The following SYNE2 variants were observed in gnomAD, a reference collection of about 807,000 sequenced individuals.
SYNE2 encodes nesprin-2.
Under a neutral mutation model 856.3 loss-of-function variants are expected in SYNE2, and 431 were observed. The ratio of observed to expected loss-of-function variants is 0.50; its 90% CI spans 0.47 to 0.55. SYNE2 has a LOEUF of 0.55. Ranked by LOEUF, SYNE2 falls within the 20% of genes least tolerant of loss-of-function variation. The pLI is 0.00. For missense variants in SYNE2, 8,129 were observed against 8,023.2 expected (o/e 1.01, Z -0.50); for synonymous variants, 2,923 against 2,872.3 (o/e 1.02, Z -0.56).
rs181955888 is a variant in SYNE2, at chr14:64,171,015, G to A, written c.17235+553G>A. ...AAATGCTTGAGGGGATGGAAACCCC[G>A]TTCTCCATGATGTGCTTATTGGACA... On this transcript the variant is annotated intron_variant, in intron 94 of 115. Transcript: ENST00000555002. Among the ~76,000 whole-genome samples the A allele has an allele frequency of 1.5e-4, 23 of 152,224 alleles. No individual in the cohort carries two copies. The East Asian group carries it at 4.1e-3, about 27-fold the overall frequency.
Position 64,051,954 on chromosome 14 carries a change from G to A in SYNE2, c.8041G>A (p.Val2681Ile), listed in dbSNP as rs150946074. 3.2e-4 allele frequency: 515 copies of A among 1,613,890 alleles called. 2 individuals are homozygous for A. In the African/African-American group the frequency reaches 6.2e-3, roughly 20 times the overall value. The change falls in exon 48 of 116, where the codon GTT becomes ATT. Residue 2681 changes from valine (V) to isoleucine (I), a missense_variant. Coordinates refer to ENST00000555002, the MANE Select transcript of SYNE2 (RefSeq NM_182914.3). ...CCAGGCTACCAAGCATGGATTTTCT[G>A]TTTTAAAGGGGCAAGCTGAACTTCA... ...DLQATKHGFS[V>I]LKGQAELQMK...
At chr14:63,916,381 T>C (rs139004747) in intron 2 of SYNE2, among the ~76,000 whole-genome samples, 1 of 152,356 alleles carries the variant, frequency 6.6e-6, no homozygotes, top group East Asian at 1.9e-4. Context: ...CTTACTGTTC[T>C]TACTCTTGAA....
intron 1 of SYNE2, among the ~76,000 whole-genome samples, chr14:63,777,765 C>T (rs1887163063): frequency 6.6e-6 from 1 of 152,002 alleles, no homozygotes; most frequent in Non-Finnish European, 1.5e-5. Flanking sequence ...AACTCCTGGG[C>T]CTAAGGGATC....
chr14:63,872,427 C>T (rs1485418273), intron 1 of SYNE2, among the ~76,000 whole-genome samples: 6 of 94,530 alleles, frequency 6.3e-5, no homozygotes, highest in Non-Finnish European at 1.5e-4. Flanking sequence ...AGCGAGACAC[C>T]ATCTCAAAAA....
chr14:63,939,903 A>G (rs759867165), intron 2 of SYNE2, among the ~76,000 whole-genome samples: 36 of 152,170 alleles, frequency 2.4e-4, no homozygotes, highest in Non-Finnish European at 4.4e-4. Flanking sequence ...GATAAATGTT[A>G]AGACTAAACC....
In SYNE2 at chr14:64,223,288, G is replaced by A; in HGVS notation, c.20290G>A (p.Glu6764Lys). ...LIKGHGEDCI[E>K]AEEKVHVIEK... Reference sequence around the variant, plus strand: ...TAAGGGACATGGAGAAGACTGTATTGAAGCTGAAGAAAAGGTGCATGTTAT... The same window carrying A: ...TAAGGGACATGGAGAAGACTGTATTAAAGCTGAAGAAAAGGTGCATGTTAT... The change falls in exon 113 of 116, where the codon GAA becomes AAA. Residue 6764 changes from glutamate (E) to lysine (K), a missense_variant. Physicochemically the swap from Glu to Lys is moderately conservative, Grantham distance 56 (BLOSUM62 1). Transcript: ENST00000555002. The A allele has an allele frequency of 6.2e-7, 1 of 1,614,212 alleles. No individual in the cohort carries two copies. Among genetic ancestry groups the A allele is most frequent in the Non-Finnish European group, 8.5e-7 (1 of 1,180,034 alleles).
At position 63,982,690 on chromosome 14, in the gene SYNE2, A is replaced by C. The variant is rs1443151577; in HGVS notation, c.1897A>C (p.Asn633His). The C allele has an allele frequency of 6.2e-7, 1 of 1,614,134 alleles. No individual in the cohort carries two copies. Among genetic ancestry groups the C allele is most frequent in the Admixed American group, 1.7e-5 (1 of 60,020 alleles). ...ACACGCTACTTTAAATGAAGCAGGA[A>C]ATTTCTTAGTCGAAGTCAGCAATGA... is the stretch of plus-strand genomic sequence containing the variant. Reference protein sequence around the residue: ...LEHATLNEAGNFLVEVSNDVV... With the variant: ...LEHATLNEAGHFLVEVSNDVV... Residue 633 changes from asparagine to histidine, a missense_variant, in exon 17 of 116, where the codon AAT becomes CAT. By Grantham distance (68) the Asn-to-His change is moderately conservative. Transcript: ENST00000555002.
chr14:64,003,267 A>G lies in SYNE2; in HGVS notation c.4334A>G (p.Asp1445Gly), dbSNP rs2096769097. The G allele has an allele frequency of 6.2e-7, 1 of 1,613,882 alleles. No homozygotes were observed. Among genetic ancestry groups the G allele is most frequent in the Admixed American group, 1.7e-5 (1 of 59,982 alleles). ...KNNELLKNIQ[D>G]VQSQISKIGL... The stretch of plus-strand genomic sequence containing the variant: ...AATGAACTCCTTAAAAATATTCAAG[A>G]TGTGCAGAGTCAAATCAGTAAAATT... Residue 1445 changes from aspartate to glycine, a missense_variant, in exon 30 of 116, where the codon GAT becomes GGT. By Grantham distance (94) the Asp-to-Gly change is moderately conservative. Around this residue, in one of 3 missense-constraint regions of SYNE2, gnomAD observed 2,422 missense variants for 2,357.4 expected, o/e 1.03. Coordinates refer to ENST00000555002, the MANE Select transcript of SYNE2 (RefSeq NM_182914.3).
At chr14:64,166,493 A>G (rs2098379958) in intron 90 of SYNE2, among the ~76,000 whole-genome samples, 2 of 152,212 alleles carry the variant, frequency 1.3e-5, no homozygotes, top group African/African-American at 2.4e-5. Flanking sequence ...CTTTCTTGCA[A>G]TGTCATGTTC....
At chr14:63,911,492 A>G (rs1247631801) in intron 2 of SYNE2, among the ~76,000 whole-genome samples, 5 of 152,166 alleles carry the variant, frequency 3.3e-5, no homozygotes, top group African/African-American at 1.2e-4. Context: ...ACATTATCTC[A>G]TTTGATCCTC....
At chr14:64,003,680 A>C (rs2096772671) in intron 30 of SYNE2, among the ~76,000 whole-genome samples, 1 of 152,158 alleles carries the variant, frequency 6.6e-6, no homozygotes, top group Non-Finnish European at 1.5e-5. Flanking sequence ...GGCAGACTCC[A>C]CGCTGTGATA....
chr14:64,167,773 G>T (rs2098389057), intron 92 of SYNE2, 134 bp downstream of exon 92: 1 of 1,177,902 alleles, frequency 8.5e-7, no homozygotes, highest in Non-Finnish European at 1.2e-6. Flanking sequence ...AGCAAATTCA[G>T]TTGTCAATTG....
intron 70 of SYNE2, 74 bp downstream of exon 70, chr14:64,122,501 T>A: frequency 6.3e-7 from 1 of 1,597,952 alleles, no homozygotes; most frequent in Non-Finnish European, 8.6e-7. Context: ...TAAATAAACA[T>A]GTATATTCTC....
chr14:63,843,597 A>C (rs1283828090), intron 1 of SYNE2, among the ~76,000 whole-genome samples: 1 of 152,146 alleles, frequency 6.6e-6, no homozygotes, highest in Non-Finnish European at 1.5e-5. Flanking sequence ...CTAATGACTA[A>C]GTGATTAAGG....
At chr14:63,852,876 C>G (rs1306744523), upstream of SYNE2, 3 of 149,668 alleles carry the variant, frequency 2.0e-5, no homozygotes, top group Non-Finnish European at 4.5e-5. Flanking sequence ...TGCTCCGCCC[C>G]GGCGCTGGCG....
chr14:63,961,453 G>GC (rs1215472332), intron 8 of SYNE2, 72 bp from the exon 9 acceptor site: 1 of 1,264,870 alleles, frequency 7.9e-7, no homozygotes, highest in East Asian at 2.4e-5. Context: ...AGAGGCTATG[G>GC]CATAGCCCAT....
At chr14:64,172,601 G>A (rs566601199) in intron 94 of SYNE2, among the ~76,000 whole-genome samples, 65 of 152,182 alleles carry the variant, frequency 4.3e-4, no homozygotes, top group African/African-American at 1.5e-3. Context: ...CTCTAACAAT[G>A]AAGGCTATCA....
chr14:64,113,587 CAG>C lies in SYNE2; in HGVS notation c.12840+19_12840+20del. On this transcript the variant is annotated intron_variant, in intron 66 of 115. Transcript: ENST00000555002. ...AGGGTGCCAGGTAAGACTGAGAAGT[CAG>C]AGTTCATGGTTTGCCTCTCCACCAA... is the stretch of plus-strand genomic sequence containing the variant. 2 of 1,588,570 alleles carry C rather than the reference CAG, an allele frequency of 1.3e-6. No individual in the cohort carries two copies. The highest frequency in any genetic ancestry group is 1.7e-6 in the Non-Finnish European group (2 of 1,167,630).
chr14:63,859,883 A>ACTCCTTTCCTCC (rs908968394), intron 1 of SYNE2, among the ~76,000 whole-genome samples: 1 of 150,670 alleles, frequency 6.6e-6, no homozygotes, highest in Non-Finnish European at 1.5e-5. Context: ...AGTGGACTCC[A>ACTCCTTTCCTCC]CTCCTTTCCT....
Sources: gnomAD v4.1 joint callset for allele counts (sites outside exome capture counted in the v4.1 genomes callset) on GRCh38, gnomAD v4.1.1 for gene constraint, gnomAD v4.1.1 regional missense constraint, MANE v1.5 for transcripts, NCBI Gene and HGNC (gene_info 2026-07-23, HGNC 2026-07-21) for gene names.